Variants in NEMP1 observed in about 807,000 individuals in gnomAD.
The protein encoded by NEMP1 is nuclear envelope integral membrane protein 1.
NEMP1 carries 29 observed loss-of-function variants against 53.7 expected under a neutral mutation model. The ratio of observed to expected loss-of-function variants is 0.54; its 90% CI spans 0.40 to 0.74. The LOEUF is 0.74. NEMP1 is among the 30% of genes least tolerant of loss of function. The pLI is 0.00. For missense variants in NEMP1, 477 were observed against 528.6 expected (o/e 0.90, Z 0.96); for synonymous variants, 193 against 192.9 (o/e 1.00, Z 0.00).
chr12:57,082,046 G>A (rs1283543884), upstream of NEMP1, among the ~76,000 whole-genome samples: 2 of 151,510 alleles, frequency 1.3e-5, no homozygotes, highest in Non-Finnish European at 2.9e-5. Flanking sequence ...GTGAAACCCC[G>A]TCTCTACTAA....
intron 4 of NEMP1, among the ~76,000 whole-genome samples, chr12:57,067,856 A>T (rs1331328863): frequency 6.6e-6 from 1 of 152,070 alleles, no homozygotes; most frequent in African/African-American, 2.4e-5. Flanking sequence ...TGCAGCCTCA[A>T]CCTCCTGGGC....
chr12:57,072,906 G>A lies in NEMP1; in HGVS notation c.134C>T (p.Thr45Ile). 1 of 1,607,280 alleles carries A rather than the reference G, an allele frequency of 6.2e-7. No homozygotes were observed. Among genetic ancestry groups the A allele is most frequent in the Middle Eastern group, 1.7e-4 (1 of 6,044 alleles). Reference sequence around the variant, plus strand: ...CTGAAGCATGACCACATTTACATCAGTTTCAGCTTTATGCAAAGAAAGGAA... The same window carrying A: ...CTGAAGCATGACCACATTTACATCAATTTCAGCTTTATGCAAAGAAAGGAA... ...SGCLVYGTAE[T>I]DVNVVMLQES... The change falls in exon 2 of 9, where the codon ACT becomes ATT. Residue 45 changes from threonine to isoleucine, a missense_variant. Thr to Ile is a moderately conservative substitution (Grantham distance 89). Transcript: ENST00000300128.
In NEMP1 at chr12:57,078,687, G is replaced by T; in HGVS notation, c.59C>A (p.Ser20Ter). The change falls in exon 1 of 9, where the codon TCG (serine) becomes TAG (stop). Residue 20 changes from serine (S) to a stop codon, truncating the protein, a stop_gained. Coordinates refer to ENST00000300128, the MANE Select transcript of NEMP1 (RefSeq NM_001130963.2). LOFTEE classifies it high-confidence loss of function. ...SPAVGPGPWG[S>*]GVGGGGTVRL... is the part of the protein sequence containing the mutation. The stretch of plus-strand genomic sequence containing the variant: ...CACTGTCCCACCGCCCCCGACTCCC[G>T]AGCCCCAGGGCCCGGGACCAACTGC... 2 of 1,613,316 alleles carry T rather than the reference G, an allele frequency of 1.2e-6. No individual in the cohort carries two copies. Among genetic ancestry groups the T allele is most frequent in the South Asian group, 2.2e-5 (2 of 90,938 alleles).
intron 1 of NEMP1, among the ~76,000 whole-genome samples, chr12:57,084,066 G>A (rs11608866): frequency 2.0e-5 from 3 of 152,144 alleles, no homozygotes; most frequent in Admixed American, 6.6e-5. Context: ...AGGTTCAAGC[G>A]ATTCTCGTGC....
chr12:57,073,676 G>C (rs1292516830), intron 1 of NEMP1, among the ~76,000 whole-genome samples: 1 of 152,068 alleles, frequency 6.6e-6, no homozygotes, highest in African/African-American at 2.4e-5. Flanking sequence ...ATAAATAAAA[G>C]AGACAGTATG....
chr12:57,076,810 A>G (rs554041826), intron 1 of NEMP1, among the ~76,000 whole-genome samples: 2 of 151,928 alleles, frequency 1.3e-5, no homozygotes, highest in South Asian at 4.1e-4. Context: ...GTCTCAAAAA[A>G]AAAAAAATTA....
intron 1 of NEMP1, among the ~76,000 whole-genome samples, chr12:57,085,008 C>T (rs1772735617): frequency 6.6e-6 from 1 of 152,082 alleles, no homozygotes; most frequent in African/African-American, 2.4e-5. Context: ...ATGTAATGTA[C>T]CTGTACACCT....
At chr12:57,061,693 C>CAAAA (rs35332826) in intron 7 of NEMP1, among the ~76,000 whole-genome samples, 1 of 89,584 alleles carries the variant, frequency 1.1e-5, no homozygotes, top group African/African-American at 5.0e-5. Flanking sequence ...AACTCCATCT[C>CAAAA]AAAAAAAAAA....
intron 6 of NEMP1, 52 bp from the exon 7 acceptor site, chr12:57,063,396 A>G (rs996068670): frequency 2.0e-6 from 3 of 1,486,748 alleles, no homozygotes; most frequent in Non-Finnish European, 2.8e-6. Flanking sequence ...CTTGGTAAAA[A>G]TAATTTGTGT....
At chr12:57,087,473 C>T (rs1315780004) in intron 1 of NEMP1, among the ~76,000 whole-genome samples, 1 of 151,808 alleles carries the variant, frequency 6.6e-6, no homozygotes. Flanking sequence ...GCCCACACCC[C>T]GTACGGGGTC....
At chr12:57,078,859 G>T, upstream of NEMP1, 2 of 1,247,628 alleles carry the variant, frequency 1.6e-6, no homozygotes, top group Non-Finnish European at 2.2e-6. Context: ...AATGGGATGG[G>T]CAGGGCTTCG....
chr12:57,067,974 T>A (rs1405370630), intron 4 of NEMP1, among the ~76,000 whole-genome samples: 1 of 152,070 alleles, frequency 6.6e-6, no homozygotes, highest in Non-Finnish European at 1.5e-5. Flanking sequence ...TCTCACTATG[T>A]TACCTAGGCT....
At chr12:57,061,836 T>C (rs913694165) in intron 7 of NEMP1, among the ~76,000 whole-genome samples, 4 of 148,828 alleles carry the variant, frequency 2.7e-5, no homozygotes, top group Non-Finnish European at 6.0e-5. Flanking sequence ...ATCTCTACTA[T>C]AAAAATGCAA....
upstream of NEMP1, among the ~76,000 whole-genome samples, chr12:57,080,769 T>G (rs115263762): frequency 0.091 from 13,715 of 151,314 alleles, 653 homozygotes; most frequent in East Asian, 0.19. Flanking sequence ...CAGGTTCCTG[T>G]AATCCCAGCT....
At chr12:57,063,065 A>G in intron 7 of NEMP1, 54 bp downstream of exon 7, 1 of 1,415,272 alleles carries the variant, frequency 7.1e-7, no homozygotes, top group Non-Finnish European at 1.0e-6. Context: ...CTCTTGCTGC[A>G]ACTGCATCCC....
At position 57,070,898 on chromosome 12, in the gene NEMP1, A is replaced by G. The variant is rs764033452; in HGVS notation, c.253-5T>C. Reference sequence around the variant, plus strand: ...TCTGGAACTATTTACTCGGATCTGTAACACAAATAAAATCAGGATGAGAAA... The same window carrying G: ...TCTGGAACTATTTACTCGGATCTGTGACACAAATAAAATCAGGATGAGAAA... On this transcript the variant is annotated splice_region_variant and splice_polypyrimidine_tract_variant and intron_variant, in intron 2 of 8. Transcript: ENST00000300128. 2 of 1,592,968 alleles carry G rather than the reference A, an allele frequency of 1.3e-6. No individual in the cohort carries two copies. The highest frequency in any genetic ancestry group is 1.7e-6 in the Non-Finnish European group (2 of 1,169,870).
intron 1 of NEMP1, among the ~76,000 whole-genome samples, chr12:57,086,687 G>T (rs2033004582): frequency 6.6e-6 from 1 of 152,198 alleles, no homozygotes; most frequent in African/African-American, 2.4e-5. Context: ...GAGTGGGCGG[G>T]AAGAACAGAC....
upstream of NEMP1, among the ~76,000 whole-genome samples, chr12:57,080,893 C>CAAAAAAAA (rs60838518): frequency 1.2e-5 from 1 of 86,956 alleles, no homozygotes. Context: ...TCTCTTGTCT[C>CAAAAAAAA]AAAAAAAAAA....
intron 1 of NEMP1, among the ~76,000 whole-genome samples, chr12:57,078,239 G>A (rs2032723992): frequency 6.6e-6 from 1 of 152,150 alleles, no homozygotes; most frequent in Admixed American, 6.5e-5. Context: ...TGAATGAGAT[G>A]GTCCCTTTCC....
Sources: allele counts gnomAD v4.1 joint callset (sites outside exome capture counted in the v4.1 genomes callset), GRCh38; gene constraint gnomAD v4.1.1; transcripts MANE v1.5; gene names NCBI Gene and HGNC (gene_info 2026-07-23, HGNC 2026-07-21).